Variants in ABCB5 observed in about 807,000 individuals in gnomAD.
ABCB5 encodes the protein ATP binding cassette subfamily B member 5, also known as ATP-binding cassette sub-family B member 5.
ABCB5 carries 155 observed loss-of-function variants against 144.2 expected under a neutral mutation model. The observed-to-expected ratio is 1.08, with a 90% CI of 0.94 to 1.23. The LOEUF (loss-of-function observed/expected upper bound fraction) is 1.23, where lower values mean the gene tolerates loss of function less well. Among genes scored for constraint, ABCB5 ranks in the 50% most tolerant of loss-of-function variants. ABCB5 has a pLI of 0.00. For synonymous variants in ABCB5, 610 were observed against 528.6 expected, an observed-to-expected ratio of 1.15 and a Z score of -2.11; for missense variants, 1,830 against 1,520.8, an observed-to-expected ratio of 1.20 and a Z score of -3.38.
intron 14 of ABCB5, 67 bp downstream of exon 14, chr7:20,658,743 G>A: frequency 1.3e-6 from 2 of 1,545,136 alleles, no homozygotes; most frequent in Non-Finnish European, 1.8e-6. Flanking sequence ...GTACAAGAAA[G>A]TATAGATCTG....
chr7:20,714,437 C>A (rs1781604604), intron 20 of ABCB5, among the ~76,000 whole-genome samples: 1 of 151,974 alleles, frequency 6.6e-6, no homozygotes, highest in South Asian at 2.1e-4. Flanking sequence ...TAAATTCTTT[C>A]CAGAGGTACA....
chr7:20,655,094 AG>A (rs71020654), intron 13 of ABCB5, among the ~76,000 whole-genome samples: 17,699 of 151,710 alleles, frequency 0.12, 1,250 homozygotes, highest in African/African-American at 0.18. Context: ...AAAGAGAGAG[AG>A]AGAGAAAAGA....
chr7:20,689,507 G>A (rs1026458214), intron 16 of ABCB5, among the ~76,000 whole-genome samples: 2 of 152,194 alleles, frequency 1.3e-5, no homozygotes, highest in Non-Finnish European at 2.9e-5. Context: ...TTCTGCATGT[G>A]GGAGGGTGCA....
At chr7:20,618,240 C>T (rs1035108465) in intron 1 of ABCB5, among the ~76,000 whole-genome samples, 1 of 152,100 alleles carries the variant, frequency 6.6e-6, no homozygotes, top group Non-Finnish European at 1.5e-5. Flanking sequence ...TACTAACTTA[C>T]TTTTTTCTCT....
intron 1 of ABCB5, among the ~76,000 whole-genome samples, chr7:20,619,443 G>A (rs1268681359): frequency 6.6e-6 from 1 of 152,116 alleles, no homozygotes; most frequent in Non-Finnish European, 1.5e-5. Context: ...GATTAGTGAC[G>A]ATTAGCATTT....
intron 20 of ABCB5, among the ~76,000 whole-genome samples, chr7:20,714,396 A>C (rs185183023): frequency 2.6e-5 from 4 of 152,150 alleles, no homozygotes; most frequent in African/African-American, 9.6e-5. Flanking sequence ...AATCTAAGAA[A>C]GCTTAATTAA....
chr7:20,643,049 A>G lies in ABCB5; in HGVS notation c.315-135A>G, dbSNP rs181824942. On this transcript the variant is annotated intron_variant, in intron 5 of 27. Transcript: ENST00000404938. ...ATTATATTCAATGCACTTCACTCTC[A>G]TGGCATGTTATTTTTAGTTCTTTTT... is the stretch of plus-strand genomic sequence containing the variant. 2.8e-5 allele frequency: 20 copies of G among 712,272 alleles called. No homozygotes were observed. The Admixed American group carries it at 3.5e-4, about 12-fold the overall frequency. The allele number at this position is 712,272 out of a possible 1,614,324, so 44.1% of individuals were successfully genotyped here.
At chr7:20,637,707 G>T (rs1405912145) in intron 5 of ABCB5, among the ~76,000 whole-genome samples, 2 of 151,846 alleles carry the variant, frequency 1.3e-5, no homozygotes, top group African/African-American at 4.8e-5. Context: ...GGCGTGAGCT[G>T]CCATGCCAGG....
At chr7:20,701,058 C>T (rs1169069231) in intron 19 of ABCB5, among the ~76,000 whole-genome samples, 2 of 152,138 alleles carry the variant, frequency 1.3e-5, no homozygotes, top group Non-Finnish European at 2.9e-5. Context: ...ACGGCAACAC[C>T]GTGGTCTAAA....
In ABCB5 at chr7:20,663,713, CTTTT is replaced by C. The variant is rs34871735; in HGVS notation, c.1707+5054_1707+5057del. On this transcript the variant is annotated intron_variant, in intron 14 of 27. Transcript: ENST00000404938. ...TTAAGATTGCAAATTTTATGTTAGG[CTTTT>C]TTTTTTTTTTTTTTTTGAGATGGAA... Among the ~76,000 whole-genome samples the C allele has an allele frequency of 8.4e-5, 9 of 107,516 alleles. No homozygotes were observed. The South Asian group carries it at 1.9e-3, about 23-fold the overall frequency. 70.5% of individuals were successfully genotyped at this position (107,516 alleles called of 152,430 possible). A position where few individuals can be genotyped will look rare whatever the true frequency, so the allele number is the denominator to read the frequency against.
At chr7:20,662,315 C>T (rs542746008) in intron 14 of ABCB5, among the ~76,000 whole-genome samples, 16 of 152,288 alleles carry the variant, frequency 1.1e-4, no homozygotes, top group African/African-American at 3.9e-4. Flanking sequence ...TGATGCGCCC[C>T]GTTGGTCTTC....
At chr7:20,665,405 A>C (rs1426248660) in intron 14 of ABCB5, among the ~76,000 whole-genome samples, 1 of 152,204 alleles carries the variant, frequency 6.6e-6, no homozygotes, top group East Asian at 1.9e-4. Context: ...GAAGAACATT[A>C]AGCCAATTGG....
Position 20,626,587 on chromosome 7 carries a change from G to A in ABCB5, c.84G>A (p.Lys28=). 1 of 1,607,644 alleles carries A rather than the reference G, an allele frequency of 6.2e-7. No homozygotes were observed. The highest frequency in any genetic ancestry group is 8.5e-7 in the Non-Finnish European group (1 of 1,176,862). The change falls in exon 3 of 28, where the codon AAG becomes AAA. Residue 28 remains lysine (K), a synonymous_variant. Coordinates refer to ENST00000404938, the MANE Select transcript of ABCB5 (RefSeq NM_001163941.2). The stretch of plus-strand genomic sequence containing the variant: ...CAGAAGAACAGCCAAAACTGAGAAA[G>A]GAAGCAGTTGGATCTATTGAGATAG... ...GTAEEQPKLR[K]EAVGSIEIFR... is the part of the protein sequence containing the mutation.
In ABCB5 at chr7:20,728,417, A is replaced by C; in HGVS notation, c.2829A>C (p.Leu943Phe). 6.2e-7 allele frequency: 1 copy of C among 1,614,172 alleles called. No individual in the cohort carries two copies. Residue 943 changes from leucine (L) to phenylalanine (F), a missense_variant, in exon 23 of 28, where the codon TTA becomes TTC. By Grantham distance (22) the Leu-to-Phe change is conservative (BLOSUM62 0). Coordinates refer to ENST00000404938, the MANE Select transcript of ABCB5 (RefSeq NM_001163941.2). The part of the protein sequence containing the change: ...YAAGFRFGAY[L>F]IQAGRMTPEG... ...CAGGGTTTCGATTTGGAGCCTATTT[A>C]ATTCAAGCTGGACGAATGACCCCAG... is the stretch of plus-strand genomic sequence containing the variant.
chr7:20,753,114 C>A (rs1265247606), intron 26 of ABCB5, among the ~76,000 whole-genome samples: 1 of 152,024 alleles, frequency 6.6e-6, no homozygotes, highest in Non-Finnish European at 1.5e-5. Flanking sequence ...TGAAAAATTT[C>A]TTTGTGGAAG....
chr7:20,646,277 T>C (rs11772926), intron 9 of ABCB5, 139 bp downstream of exon 9: 168,841 of 810,010 alleles, frequency 0.21, 19,964 homozygotes, highest in African/African-American at 0.38. Context: ...AAATTATCTG[T>C]ATACACCTTT....
intron 16 of ABCB5, among the ~76,000 whole-genome samples, chr7:20,687,233 G>T (rs1383446924): frequency 6.6e-6 from 1 of 152,086 alleles, no homozygotes; most frequent in Non-Finnish European, 1.5e-5. Flanking sequence ...ATGGAAATCT[G>T]CCTCTAGGTC....
chr7:20,716,974 A>G (rs540279536), intron 20 of ABCB5, among the ~76,000 whole-genome samples: 1 of 152,172 alleles, frequency 6.6e-6, no homozygotes, highest in Non-Finnish European at 1.5e-5. Context: ...TAGATGGCCA[A>G]ACACCTACCG....
chr7:20,670,682 G>A (rs1785438020), intron 14 of ABCB5, among the ~76,000 whole-genome samples: 1 of 152,292 alleles, frequency 6.6e-6, no homozygotes. Flanking sequence ...GACCAAGGTG[G>A]GCGCATCACC....
Sources: allele counts gnomAD v4.1 joint callset (sites outside exome capture counted in the v4.1 genomes callset), GRCh38; gene constraint gnomAD v4.1.1; transcripts MANE v1.5; gene names NCBI Gene and HGNC (gene_info 2026-07-23, HGNC 2026-07-21).